NHS: variants seen among roughly 807,000 people sequenced by gnomAD.
NHS encodes NHS actin remodeling regulator.
NHS carries 5 observed loss-of-function variants against 72.5 expected under a neutral mutation model. The ratio of observed to expected loss-of-function variants is 0.07; its 90% confidence interval spans 0.04 to 0.14. The LOEUF (loss-of-function observed/expected upper bound fraction) is 0.14. Among genes scored for constraint, NHS ranks in the 10% least tolerant of loss-of-function variants. The pLI is 1.00. For missense variants in NHS, 1,072 were observed against 1,355.7 expected (o/e 0.79, Z 3.29); for synonymous variants, 464 against 547.7 (o/e 0.85, Z 2.13).
At chrX:17,582,483 G>T (rs2065549027) in intron 1 of NHS, among the ~76,000 whole-genome samples, 2 of 112,313 alleles carry the variant, frequency 1.8e-5, no homozygotes, top group Non-Finnish European at 3.8e-5. Flanking sequence ...GGGTTGTCCA[G>T]TTAGGAGGTG....
Position 17,497,885 on chromosome X carries a change from G to T in NHS, c.565+121563G>T, listed in dbSNP as rs1019195012. Among the ~76,000 whole-genome samples, 28 of 111,913 alleles carry T rather than the reference G, an allele frequency of 2.5e-4. 1 individual carries two copies. The highest frequency in any genetic ancestry group is 9.1e-4 in the African/African-American group (28 of 30,793). On this transcript the variant is annotated intron_variant, in intron 1 of 8. Coordinates refer to ENST00000676302, the MANE Select transcript of NHS (RefSeq NM_001291867.2). ...TTCCAATTTCTTGCTCCTGCAAACA[G>T]TGCTGCCATAAATAATTATGTCAAA...
At chrX:17,505,225 G>A (rs774873422) in intron 1 of NHS, among the ~76,000 whole-genome samples, 10 of 111,401 alleles carry the variant, frequency 9.0e-5, no homozygotes, top group Non-Finnish European at 1.7e-4. Flanking sequence ...ACAGATGTAG[G>A]TTTTTCCATT....
At chrX:17,434,665 A>G (rs2064712907) in intron 1 of NHS, among the ~76,000 whole-genome samples, 1 of 110,208 alleles carries the variant, frequency 9.1e-6, no homozygotes, top group Admixed American at 9.7e-5. Context: ...GGATGGTCTC[A>G]ATCTCCTGAT....
chrX:17,551,268 C>G (rs1237833386), intron 1 of NHS, among the ~76,000 whole-genome samples: 1 of 112,078 alleles, frequency 8.9e-6, no homozygotes, highest in Non-Finnish European at 1.9e-5. Flanking sequence ...GGTCCTAGAA[C>G]AGTAGGAGCT....
At chrX:17,376,792 GTTCTT>G (rs955188759) in intron 1 of NHS, among the ~76,000 whole-genome samples, 1 of 112,617 alleles carries the variant, frequency 8.9e-6, no homozygotes, top group African/African-American at 3.2e-5. Context: ...AGTAGTGAGT[GTTCTT>G]TTGAGACTGC....
In NHS at chrX:17,441,226, A is replaced by G. The variant is rs1210690236; in HGVS notation, c.565+64904A>G. On this transcript the variant is annotated intron_variant, in intron 1 of 8. Transcript: ENST00000676302. Reference sequence around the variant, plus strand: ...CTCCGTGCTGGTCCTGGTGCTCTGCACCTACCATCCGTAATCTCAATTCAT... The same window carrying G: ...CTCCGTGCTGGTCCTGGTGCTCTGCGCCTACCATCCGTAATCTCAATTCAT... Among the ~76,000 whole-genome samples, 7 of 112,346 alleles carry G rather than the reference A, an allele frequency of 6.2e-5. No homozygotes were observed. In the Admixed American group the frequency reaches 6.5e-4, roughly 11 times the overall value.
At position 17,456,530 on chromosome X, in the gene NHS, C is replaced by T. The variant is rs999205155; in HGVS notation, c.565+80208C>T. On this transcript the variant is annotated intron_variant, in intron 1 of 8. Coordinates refer to ENST00000676302, the MANE Select transcript of NHS (RefSeq NM_001291867.2). The stretch of plus-strand genomic sequence containing the variant: ...CTGCAGAGAAGAGAACCAGTTGCAG[C>T]TGGCAGAAGAAACCTGCTATTGAAA... Among the ~76,000 whole-genome samples, 3 of 112,456 alleles carry T rather than the reference C, an allele frequency of 2.7e-5. No individual in the cohort carries two copies. In the South Asian group the frequency reaches 1.1e-3, roughly 42 times the overall value.
intron 1 of NHS, among the ~76,000 whole-genome samples, chrX:17,674,802 C>T (rs2066070292): frequency 8.9e-6 from 1 of 112,059 alleles, no homozygotes; most frequent in Non-Finnish European, 1.9e-5. Context: ...AGGCTCTCCT[C>T]ATCACTGTGT....
chrX:17,681,291 G>A (rs1274995289), intron 1 of NHS, among the ~76,000 whole-genome samples: 1 of 112,120 alleles, frequency 8.9e-6, no homozygotes, highest in Non-Finnish European at 1.9e-5. Context: ...TTCAGCCCAG[G>A]AAAGGGAACT....
chrX:17,504,218 T>C (rs1373894151), intron 1 of NHS, among the ~76,000 whole-genome samples: 1 of 112,199 alleles, frequency 8.9e-6, no homozygotes, highest in Non-Finnish European at 1.9e-5. Flanking sequence ...TTTTTATAAG[T>C]GGTTTCTACA....
At chrX:17,494,188 C>G (rs2065003034) in intron 1 of NHS, among the ~76,000 whole-genome samples, 1 of 106,093 alleles carries the variant, frequency 9.4e-6, no homozygotes. Context: ...AAGCGATTCT[C>G]CAGCCTCAGT....
intron 1 of NHS, among the ~76,000 whole-genome samples, chrX:17,427,532 C>T (rs1203392850): frequency 3.5e-5 from 4 of 112,699 alleles, no homozygotes; most frequent in Non-Finnish European, 7.5e-5. Context: ...GCTGACTGGG[C>T]TGTGTGTGTT....
intron 1 of NHS, among the ~76,000 whole-genome samples, chrX:17,461,998 A>G (rs1168889988): frequency 9.0e-6 from 1 of 111,275 alleles, no homozygotes; most frequent in Non-Finnish European, 1.9e-5. Context: ...CTAATGGCCC[A>G]TTGTCCAAAG....
chrX:17,441,931 C>T (rs929788163), intron 1 of NHS, among the ~76,000 whole-genome samples: 2 of 112,022 alleles, frequency 1.8e-5, no homozygotes, highest in Admixed American at 9.5e-5. Context: ...CTTGAATGAG[C>T]GTCGGAATCA....
At chrX:17,447,959 A>G (rs1354209186) in intron 1 of NHS, among the ~76,000 whole-genome samples, 2 of 111,742 alleles carry the variant, frequency 1.8e-5, no homozygotes, top group Non-Finnish European at 3.8e-5. Context: ...GTTACTGGCC[A>G]TCCTGGGATT....
In NHS at chrX:17,654,419, A is replaced by G. The variant is rs1245260535; in HGVS notation, c.566-33323A>G. 6.2e-5 allele frequency among the ~76,000 whole-genome samples: 7 copies of G among 112,505 alleles called. 2 individuals carry two copies. In the East Asian group the frequency reaches 2.0e-3, roughly 32 times the overall value. On this transcript the variant is annotated intron_variant, in intron 1 of 8. Transcript: ENST00000676302. ...GTTGCCAGCAGCTGGCAGCCCTCCA[A>G]GGAGGCTAGTGGAGAACAGCTAACC...
At chrX:17,670,895 C>G (rs185217685) in intron 1 of NHS, among the ~76,000 whole-genome samples, 1 of 112,251 alleles carries the variant, frequency 8.9e-6, no homozygotes, top group Non-Finnish European at 1.9e-5. Flanking sequence ...TGGAGTAGCC[C>G]GTTCCTTTTC....
intron 1 of NHS, among the ~76,000 whole-genome samples, chrX:17,529,962 ACT>A (rs764286130): frequency 9.1e-6 from 1 of 109,320 alleles, no homozygotes; most frequent in Non-Finnish European, 1.9e-5. Flanking sequence ...TCGCTTGGAG[ACT>A]CTCTGGATGT....
rs1270378337 is a variant in NHS at position 17,389,197 on chromosome X, C to G, written c.565+12875C>G. Among the ~76,000 whole-genome samples, 5 of 111,950 alleles carry G rather than the reference C, an allele frequency of 4.5e-5. No homozygotes were observed. The Admixed American group carries it at 4.7e-4, about 11-fold the overall frequency. ...TCTTGATGAGTTTTAACAGCTGTAT[C>G]CACCTGCATAACATACAACCCTATT... is the stretch of plus-strand genomic sequence containing the variant. On this transcript the variant is annotated intron_variant, in intron 1 of 8. Transcript: ENST00000676302.
Sources: allele counts gnomAD v4.1 joint callset (sites outside exome capture counted in the v4.1 genomes callset), GRCh38; gene constraint gnomAD v4.1.1; transcripts MANE v1.5; gene names NCBI Gene and HGNC (gene_info 2026-07-23, HGNC 2026-07-21).